Variants in CNTNAP2 observed in about 807,000 individuals in gnomAD.
CNTNAP2 encodes contactin-associated protein-like 2.
A neutral mutation model predicts 155.2 loss-of-function variants in CNTNAP2; 98 were observed. The observed-to-expected ratio is 0.63, with a 90% CI of 0.54 to 0.75. The LOEUF (loss-of-function observed/expected upper bound fraction) is 0.75, where lower values mean the gene tolerates loss of function less well. Among genes scored for constraint, CNTNAP2 ranks in the 30% least tolerant of loss-of-function variants. The pLI is 0.00. For missense variants in CNTNAP2, 1,727 were observed against 1,688.1 expected, an observed-to-expected ratio of 1.02 and a Z score of -0.40; for synonymous variants, 651 against 631.2, an observed-to-expected ratio of 1.03 and a Z score of -0.47.
At chr7:146,247,650 G>A (rs933241774) in intron 1 of CNTNAP2, among the ~76,000 whole-genome samples, 2 of 152,180 alleles carry the variant, frequency 1.3e-5, no homozygotes, top group African/African-American at 4.8e-5. Flanking sequence ...GATCTTGCAG[G>A]ATGGAAAAAT....
In CNTNAP2 at chr7:147,973,160, T is replaced by TAAAAAAAAAAAAAAAAAAA. The variant is rs35756000; in HGVS notation, c.2256-4699_2256-4681dup. On this transcript the variant is annotated intron_variant, in intron 14 of 23. Transcript: ENST00000361727. The stretch of plus-strand genomic sequence containing the variant: ...CAGAGCAAGACCCTGTCTCTAAAAT[T>TAAAAAAAAAAAAAAAAAAA]AAAAAAAAAAAAAAAAAAAAAGTAG... Among the ~76,000 whole-genome samples, 34 of 120,820 alleles carry TAAAAAAAAAAAAAAAAAAA rather than the reference T, an allele frequency of 2.8e-4. 1 individual carries two copies. Among genetic ancestry groups the TAAAAAAAAAAAAAAAAAAA allele is most frequent in the African/African-American group, 1.1e-3 (31 of 28,928 alleles). The allele number at this position is 120,820 out of a possible 152,430, so 79.3% of individuals were successfully genotyped here. A position where few individuals can be genotyped will look rare whatever the true frequency, so the allele number is the denominator to read the frequency against.
At chr7:148,287,070 A>ATCCC (rs1797096928) in intron 21 of CNTNAP2, among the ~76,000 whole-genome samples, 2 of 151,930 alleles carry the variant, frequency 1.3e-5, no homozygotes, top group African/African-American at 4.8e-5. Context: ...CCACCTGTTC[A>ATCCC]TCCCTCCCTC....
At chr7:147,449,177 A>C (rs1797790751) in intron 10 of CNTNAP2, among the ~76,000 whole-genome samples, 1 of 152,008 alleles carries the variant, frequency 6.6e-6, no homozygotes, top group Non-Finnish European at 1.5e-5. Flanking sequence ...CTGGCTATTT[A>C]AATTACCTAC....
At chr7:148,387,363 A>G (rs1270237076) in intron 22 of CNTNAP2, among the ~76,000 whole-genome samples, 3 of 152,196 alleles carry the variant, frequency 2.0e-5, no homozygotes, top group African/African-American at 7.2e-5. Context: ...TTGCTATCAG[A>G]TATTTAAAAA....
chr7:147,297,158 A>G (rs934822183), intron 8 of CNTNAP2, among the ~76,000 whole-genome samples: 3 of 151,630 alleles, frequency 2.0e-5, no homozygotes, highest in South Asian at 4.2e-4. Context: ...CTGAGAAGCC[A>G]TAGTCAGCAA....
intron 1 of CNTNAP2, among the ~76,000 whole-genome samples, chr7:146,729,065 C>G (rs17170227): frequency 0.028 from 4,212 of 152,228 alleles, 98 homozygotes; most frequent in East Asian, 0.12. Context: ...AAATTAAACC[C>G]TCTGGGGCTG....
At chr7:147,230,382 T>C (rs1287376933) in intron 8 of CNTNAP2, among the ~76,000 whole-genome samples, 1 of 152,036 alleles carries the variant, frequency 6.6e-6, no homozygotes, top group Non-Finnish European at 1.5e-5. Context: ...CTCAGCCTCC[T>C]GAGTAGCTGG....
At chr7:148,004,200 T>C (rs1801938315) in intron 15 of CNTNAP2, among the ~76,000 whole-genome samples, 1 of 152,180 alleles carries the variant, frequency 6.6e-6, no homozygotes, top group East Asian at 1.9e-4. Context: ...TTTTAAACCA[T>C]GATAAAGAAA....
chr7:147,636,875 G>A (rs4272288), intron 12 of CNTNAP2, among the ~76,000 whole-genome samples: 30,102 of 152,120 alleles, frequency 0.2, 3,145 homozygotes, highest in Middle Eastern at 0.24. Flanking sequence ...AGGAGGCAGA[G>A]AGCAGCTGTA....
At chr7:148,312,165 T>A (rs896240089) in intron 21 of CNTNAP2, among the ~76,000 whole-genome samples, 3 of 152,278 alleles carry the variant, frequency 2.0e-5, no homozygotes, top group Non-Finnish European at 4.4e-5. Context: ...GCTAAAACAG[T>A]AAGGTCATAG....
chr7:147,821,112 C>G (rs1336894999), intron 13 of CNTNAP2, among the ~76,000 whole-genome samples: 1 of 151,944 alleles, frequency 6.6e-6, no homozygotes, highest in Non-Finnish European at 1.5e-5. Context: ...TGGCAGGTAG[C>G]AGTATATAGT....
intron 10 of CNTNAP2, among the ~76,000 whole-genome samples, chr7:147,470,086 C>A (rs986929159): frequency 6.6e-6 from 1 of 151,962 alleles, no homozygotes; most frequent in Non-Finnish European, 1.5e-5. Flanking sequence ...GCTCCATAGA[C>A]CATTGTAAGC....
intron 1 of CNTNAP2, among the ~76,000 whole-genome samples, chr7:146,163,589 A>ATC (rs1562973433): frequency 1.4e-5 from 2 of 143,662 alleles, no homozygotes; most frequent in African/African-American, 5.4e-5. Flanking sequence ...ATCTATCTAT[A>ATC]TATATATATA....
In CNTNAP2 at chr7:147,851,916, TAAG is replaced by T. The variant is rs768518173; in HGVS notation, c.2099-51646_2099-51644del. 9.8e-4 allele frequency among the ~76,000 whole-genome samples: 148 copies of T among 151,730 alleles called. 1 individual carries two copies. The highest frequency in any genetic ancestry group is 2.6e-3 in the African/African-American group (107 of 41,416). On this transcript the variant is annotated intron_variant, in intron 13 of 23. Transcript: ENST00000361727. ...CTAGAACTTAAAATATAATAAATAA[TAAG>T]AATAATAATAAATTATTTTTCTGAT...
intron 2 of CNTNAP2, among the ~76,000 whole-genome samples, chr7:146,838,570 G>T (rs1428842898): frequency 6.6e-6 from 1 of 152,016 alleles, no homozygotes; most frequent in Non-Finnish European, 1.5e-5. Flanking sequence ...CACCTGCCTT[G>T]GTCTCCCAAA....
At chr7:147,774,530 G>A (rs1262617016) in intron 13 of CNTNAP2, among the ~76,000 whole-genome samples, 1 of 152,178 alleles carries the variant, frequency 6.6e-6, no homozygotes, top group Non-Finnish European at 1.5e-5. Flanking sequence ...TGTATTTGGA[G>A]ATAAGGCCTT....
intron 1 of CNTNAP2, among the ~76,000 whole-genome samples, chr7:146,352,669 T>G (rs1046426170): frequency 4.9e-5 from 7 of 142,398 alleles, no homozygotes; most frequent in African/African-American, 1.9e-4. Context: ...TTTGGGAGAT[T>G]TATTATAAAC....
chr7:147,543,140 G>T (rs762270437), intron 11 of CNTNAP2, among the ~76,000 whole-genome samples: 1 of 152,198 alleles, frequency 6.6e-6, no homozygotes, highest in Non-Finnish European at 1.5e-5. Flanking sequence ...CCAGTCATTA[G>T]CATTGTTTCT....
At chr7:147,186,829 G>A (rs1447066197) in intron 8 of CNTNAP2, among the ~76,000 whole-genome samples, 2 of 152,156 alleles carry the variant, frequency 1.3e-5, no homozygotes, top group Non-Finnish European at 2.9e-5. Flanking sequence ...CAGTGCTAAG[G>A]ATAGAAATGC....
Sources: allele counts gnomAD v4.1 joint callset (sites outside exome capture counted in the v4.1 genomes callset), GRCh38; gene constraint gnomAD v4.1.1; transcripts MANE v1.5; gene names NCBI Gene and HGNC (gene_info 2026-07-23, HGNC 2026-07-21).